Variants in SETX observed in about 807,000 individuals in gnomAD.
The protein encoded by SETX is helicase senataxin.
Under a neutral mutation model 227.2 loss-of-function variants are expected in SETX, and 90 were observed. The observed-to-expected ratio is 0.40, with a 90% confidence interval of 0.33 to 0.47. The LOEUF (loss-of-function observed/expected upper bound fraction) is 0.47. SETX is among the 20% of genes least tolerant of loss of function. The probability of loss-of-function intolerance (pLI) is 0.91; values close to 1 mark genes in which losing one functional copy is unlikely to be tolerated. For synonymous variants in SETX, 1,210 were observed against 1,113.2 expected (o/e 1.09, Z -1.73); for missense variants, 3,052 against 3,181.5 (o/e 0.96, Z 0.98).
chr9:132,343,874 G>A (rs981271542), intron 4 of SETX, among the ~76,000 whole-genome samples: 2 of 152,168 alleles, frequency 1.3e-5, no homozygotes, highest in East Asian at 3.8e-4. Context: ...TAGACAAACA[G>A]TACAGGAAAT....
chr9:132,296,867 G>A lies in SETX; in HGVS notation c.5949+20C>T, dbSNP rs1342619041. ...ATGATACAGCTAGTTAACAGCATCA[G>A]TGCCCTCACCCATACCTACCTCTGT... On this transcript the variant is annotated intron_variant, in intron 14 of 25. Coordinates refer to ENST00000224140, the MANE Select transcript of SETX (RefSeq NM_015046.7). The A allele has an allele frequency of 6.2e-7, 1 of 1,612,584 alleles. No homozygotes were observed. The highest frequency in any genetic ancestry group is 1.3e-5 in the African/African-American group (1 of 74,868).
intron 5 of SETX, among the ~76,000 whole-genome samples, chr9:132,338,329 G>A (rs1847761016): frequency 6.6e-6 from 1 of 152,066 alleles, no homozygotes; most frequent in Non-Finnish European, 1.5e-5. Flanking sequence ...CTGACCTCAT[G>A]ATCCACCCAC....
At chr9:132,300,536 T>C in intron 12 of SETX, 94 bp downstream of exon 12, 4 of 1,351,508 alleles carry the variant, frequency 3.0e-6, no homozygotes, top group East Asian at 4.6e-5. Context: ...TCGGTAAATG[T>C]CTATCAAATA....
intron 25 of SETX, among the ~76,000 whole-genome samples, chr9:132,268,326 CA>C (rs1423524675): frequency 6.6e-6 from 1 of 152,190 alleles, no homozygotes; most frequent in Non-Finnish European, 1.5e-5. Context: ...GCCTGGACAA[CA>C]TGGTAAGACC....
chr9:132,300,554 T>A (rs934433674), intron 12 of SETX, 76 bp downstream of exon 12: 1 of 1,447,920 alleles, frequency 6.9e-7, no homozygotes, highest in East Asian at 2.3e-5. Context: ...ATACACTTGA[T>A]ATACACAATT....
At chr9:132,314,943 T>C (rs1845884728) in intron 10 of SETX, among the ~76,000 whole-genome samples, 2 of 146,270 alleles carry the variant, frequency 1.4e-5, no homozygotes, top group South Asian at 2.2e-4. Context: ...GACAGGGTCT[T>C]GCTCTGTTGC....
chr9:132,334,585 A>T (rs1480021069), intron 7 of SETX, 23 bp downstream of exon 7: 1 of 1,613,318 alleles, frequency 6.2e-7, no homozygotes, highest in South Asian at 1.1e-5. Context: ...ATTCAACAAC[A>T]TTCAGCAAGT....
At chr9:132,352,603 T>C (rs1848660168) in intron 2 of SETX, among the ~76,000 whole-genome samples, 1 of 152,114 alleles carries the variant, frequency 6.6e-6, no homozygotes. Flanking sequence ...ATATAAAAAT[T>C]AGCTGGGCAT....
intron 1 of SETX, among the ~76,000 whole-genome samples, chr9:132,354,509 AAAG>A (rs1322754369): frequency 1.3e-5 from 2 of 151,388 alleles, no homozygotes; most frequent in African/African-American, 4.8e-5. Flanking sequence ...AAAAAAAAAA[AAAG>A]AAAAAAGAAA....
chr9:132,325,980 A>T (rs1846721237), intron 10 of SETX, among the ~76,000 whole-genome samples: 1 of 152,060 alleles, frequency 6.6e-6, no homozygotes, highest in African/African-American at 2.4e-5. Flanking sequence ...CCAGTATCTA[A>T]AACAGTGGCT....
chr9:132,288,302 A>G lies in SETX; in HGVS notation c.6258T>C (p.Phe2086=), dbSNP rs763754856. ...AAAGCTCATCCAGCTGATAATCTAG[A>G]AATTCCTTTCTTTTATGCATCGCCT... ...HVQAMHKRKE[F]LDYQLDELSR... Residue 2086 remains phenylalanine (F), a synonymous_variant, in exon 17 of 26, where the codon TTT becomes TTC. Coordinates refer to ENST00000224140, the MANE Select transcript of SETX (RefSeq NM_015046.7). The G allele has an allele frequency of 1.3e-5, 21 of 1,614,112 alleles. 1 individual carries two copies. In the South Asian group the frequency reaches 2.1e-4, roughly 16 times the overall value.
At chr9:132,298,403 A>G (rs1844800309) in intron 12 of SETX, 91 bp from the exon 13 acceptor site, 1 of 1,037,816 alleles carries the variant, frequency 9.6e-7, no homozygotes, top group East Asian at 2.6e-5. Context: ...TATTTTTAAC[A>G]TATTTTTGGA....
chr9:132,297,197 A>C (rs892171868), intron 13 of SETX, 143 bp from the exon 14 acceptor site: 1 of 682,654 alleles, frequency 1.5e-6, no homozygotes, highest in Non-Finnish European at 2.5e-6. Flanking sequence ...CAAGGACACC[A>C]AAGTGACCTT....
intron 19 of SETX, 142 bp downstream of exon 19, chr9:132,283,122 A>G: frequency 9.7e-7 from 1 of 1,025,942 alleles, no homozygotes; most frequent in Non-Finnish European, 1.5e-6. Context: ...ATTTCTACAT[A>G]AGGGAATACA....
chr9:132,313,055 G>C (rs1164530149), intron 10 of SETX, among the ~76,000 whole-genome samples: 1 of 152,130 alleles, frequency 6.6e-6, no homozygotes, highest in African/African-American at 2.4e-5. Flanking sequence ...ACAGACGAGA[G>C]ATTAGTGTTT....
chr9:132,289,642 T>C (rs531926867), intron 15 of SETX, among the ~76,000 whole-genome samples: 86 of 152,314 alleles, frequency 5.6e-4, no homozygotes, highest in Non-Finnish European at 1.1e-3. Context: ...GAACAGAATC[T>C]TATTTGACCA....
At chr9:132,276,989 A>C (rs1414731490) in intron 22 of SETX, 71 bp downstream of exon 22, 11 of 1,307,008 alleles carry the variant, frequency 8.4e-6, no homozygotes, top group African/African-American at 1.5e-5. Flanking sequence ...AATGTATTTA[A>C]CAGAAATATG....
At chr9:132,326,049 TTTTAA>T (rs770995483) in intron 10 of SETX, among the ~76,000 whole-genome samples, 4 of 152,040 alleles carry the variant, frequency 2.6e-5, no homozygotes, top group African/African-American at 4.8e-5. Context: ...AAACGGTCAA[TTTTAA>T]TTTAACTATA....
At chr9:132,294,695 G>A (rs112214220) in intron 15 of SETX, among the ~76,000 whole-genome samples, 1,937 of 152,304 alleles carry the variant, frequency 0.013, 39 homozygotes, top group African/African-American at 0.043. Context: ...AACATAGCTA[G>A]TATGTTCCCT....
Sources: gnomAD v4.1 joint callset for allele counts (sites outside exome capture counted in the v4.1 genomes callset) on GRCh38, gnomAD v4.1.1 for gene constraint, MANE v1.5 for transcripts, NCBI Gene and HGNC (gene_info 2026-07-23, HGNC 2026-07-21) for gene names.